Variants in FGF14 observed in about 807,000 individuals in gnomAD.
FGF14 encodes fibroblast growth factor homologous factor 4.
A neutral mutation model predicts 25.5 loss-of-function variants in FGF14; 5 were observed. That is an observed-to-expected ratio of 0.20 (90% confidence interval 0.10 to 0.41). The LOEUF (loss-of-function observed/expected upper bound fraction) is 0.41. Ranked by LOEUF, FGF14 falls within the 10% of genes least tolerant of loss-of-function variation. The pLI is 1.00. For synonymous variants in FGF14, 138 were observed against 118.3 expected (o/e 1.17, Z -1.08); for missense variants, 222 against 320.1 (o/e 0.69, Z 2.34).
At chr13:101,813,562 C>G (rs148088545) in intron 3 of FGF14, among the ~76,000 whole-genome samples, 1 of 152,162 alleles carries the variant, frequency 6.6e-6, no homozygotes, top group African/African-American at 2.4e-5. Context: ...AGTAAATTTC[C>G]GTTCTTCATC....
At chr13:102,265,995 T>C (rs1018969449) in intron 1 of FGF14, among the ~76,000 whole-genome samples, 1 of 151,988 alleles carries the variant, frequency 6.6e-6, no homozygotes, top group Non-Finnish European at 1.5e-5. Context: ...TGCAATGAAA[T>C]TGGGAAGCTA....
At chr13:101,956,258 A>G (rs2036507101) in intron 1 of FGF14, among the ~76,000 whole-genome samples, 1 of 152,042 alleles carries the variant, frequency 6.6e-6, no homozygotes, top group Admixed American at 6.5e-5. Context: ...TAAACTTTAG[A>G]TAGATAGATA....
chr13:101,947,313 A>G (rs1039311016), intron 1 of FGF14, among the ~76,000 whole-genome samples: 1 of 152,226 alleles, frequency 6.6e-6, no homozygotes, highest in Non-Finnish European at 1.5e-5. Context: ...ACCATTTGAC[A>G]CAACAATCCC....
At chr13:102,284,124 TTTC>T (rs2053977980) in intron 1 of FGF14, among the ~76,000 whole-genome samples, 1 of 152,196 alleles carries the variant, frequency 6.6e-6, no homozygotes, top group African/African-American at 2.4e-5. Context: ...ATTGGTGCTT[TTTC>T]CCCCGCAAGA....
At chr13:102,091,300 C>T (rs1322968516) in intron 1 of FGF14, among the ~76,000 whole-genome samples, 3 of 152,154 alleles carry the variant, frequency 2.0e-5, no homozygotes, top group African/African-American at 7.2e-5. Flanking sequence ...AAACTACATT[C>T]TGCTTGCCAA....
At chr13:102,140,054 C>A (rs112507830) in intron 1 of FGF14, among the ~76,000 whole-genome samples, 22 of 145,886 alleles carry the variant, frequency 1.5e-4, no homozygotes, top group Admixed American at 4.1e-4. Context: ...CCCCCCCCCC[C>A]CCTTACAGCA....
At position 102,063,495 on chromosome 13, in the gene FGF14, A is replaced by G. The variant is rs145411051; in HGVS notation, c.209-188199T>C. On this transcript the variant is annotated intron_variant, in intron 1 of 4. Coordinates refer to the FGF14 transcript ENST00000376131. ...GCCAGGCGTAGTGGTGCACACCTGTAATCTCAGCTACTTGGGAGGCTGAGG... is the reference window on the plus strand; with the variant it reads ...GCCAGGCGTAGTGGTGCACACCTGTGATCTCAGCTACTTGGGAGGCTGAGG... Among the ~76,000 whole-genome samples the G allele has an allele frequency of 1.7e-3, 262 of 152,210 alleles. 10 individuals are homozygous for G. In the South Asian group the frequency reaches 0.042, roughly 24 times the overall value.
intron 3 of FGF14, among the ~76,000 whole-genome samples, chr13:101,742,745 G>T (rs887578069): frequency 6.6e-6 from 1 of 152,084 alleles, no homozygotes; most frequent in Admixed American, 6.6e-5. Flanking sequence ...ATTGGGCAAA[G>T]CTGCCTCCCA....
Position 102,169,722 on chromosome 13 carries a change from A to G in FGF14, c.208+231749T>C, listed in dbSNP as rs146015210. On this transcript the variant is annotated intron_variant, in intron 1 of 4. Coordinates refer to the FGF14 transcript ENST00000376131. ...AAAACCTCCACTCAAAAGCAATTTA[A>G]TTGGATAACCTTTATTCCAATTATT... is the stretch of plus-strand genomic sequence containing the variant. Among the ~76,000 whole-genome samples, 48 of 152,234 alleles carry G rather than the reference A, an allele frequency of 3.2e-4. 1 individual carries two copies. In the East Asian group the frequency reaches 9.1e-3, roughly 29 times the overall value.
chr13:101,954,950 T>A (rs2036422694), intron 1 of FGF14, among the ~76,000 whole-genome samples: 2 of 152,172 alleles, frequency 1.3e-5, no homozygotes, highest in Non-Finnish European at 2.9e-5. Context: ...AATCCCCCAT[T>A]CTCCAACTTA....
chr13:102,127,994 C>T (rs1399753005), intron 1 of FGF14, among the ~76,000 whole-genome samples: 1 of 152,146 alleles, frequency 6.6e-6, no homozygotes, highest in African/African-American at 2.4e-5. Context: ...GAAGCACCTG[C>T]CCCTTCCAGG....
intron 1 of FGF14, 105 bp downstream of exon 1, chr13:101,916,348 G>A: frequency 7.9e-6 from 11 of 1,390,908 alleles, no homozygotes; most frequent in South Asian, 2.4e-5. Flanking sequence ...GGCCGGGGCC[G>A]GGGTGGGCCG....
intron 1 of FGF14, among the ~76,000 whole-genome samples, chr13:102,168,895 T>C (rs555152366): frequency 6.6e-6 from 1 of 152,086 alleles, no homozygotes; most frequent in South Asian, 2.1e-4. Flanking sequence ...GGGAGCATTG[T>C]AAAATACTGA....
At chr13:101,914,479 C>T (rs1184717231) in intron 1 of FGF14, among the ~76,000 whole-genome samples, 1 of 151,850 alleles carries the variant, frequency 6.6e-6, no homozygotes, top group African/African-American at 2.4e-5. Flanking sequence ...GAAAAGTGAC[C>T]TCAAATATAT....
chr13:101,714,613 T>A lies in FGF14; in HGVS notation c.*8218A>T, dbSNP rs2139618684. On this transcript the variant is annotated 3_prime_UTR_variant, in exon 5 of 5. Coordinates refer to ENST00000376143, the MANE Select transcript of FGF14 (RefSeq NM_004115.4). ...AGTTTGTTATAGAGCCAAGAGACACTCGTCATGCAATGCTTTAGGTGGCTG... is the reference window on the plus strand; with the variant it reads ...AGTTTGTTATAGAGCCAAGAGACACACGTCATGCAATGCTTTAGGTGGCTG... 1 of 986,660 alleles carries A rather than the reference T, an allele frequency of 1.0e-6. No homozygotes were observed. Among genetic ancestry groups the A allele is most frequent in the South Asian group, 1.3e-5 (1 of 77,532 alleles). The allele number at this position is 986,660 out of a possible 1,614,324, so 61.1% of individuals were successfully genotyped here.
intron 3 of FGF14, among the ~76,000 whole-genome samples, chr13:101,783,199 C>T (rs1027534844): frequency 2.6e-5 from 4 of 151,906 alleles, no homozygotes; most frequent in Non-Finnish European, 4.4e-5. Context: ...TGGCCGGGCG[C>T]GGTGGCTCAA....
intron 3 of FGF14, among the ~76,000 whole-genome samples, chr13:101,746,708 C>A (rs548861379): frequency 8.9e-4 from 136 of 152,042 alleles, no homozygotes; most frequent in African/African-American, 3.2e-3. Flanking sequence ...TTTATCAATG[C>A]CAGGAGTGTG....
intron 3 of FGF14, among the ~76,000 whole-genome samples, chr13:101,776,054 T>C (rs1366965995): frequency 6.6e-6 from 1 of 152,180 alleles, no homozygotes; most frequent in Admixed American, 6.6e-5. Context: ...TACAGATTCA[T>C]TTTCTTATTC....
intron 1 of FGF14, among the ~76,000 whole-genome samples, chr13:102,190,247 G>T (rs1228189066): frequency 6.6e-6 from 1 of 152,138 alleles, no homozygotes; most frequent in Non-Finnish European, 1.5e-5. Context: ...CTGTGATCAG[G>T]GGATTGACAT....
Sources: allele counts gnomAD v4.1 joint callset (sites outside exome capture counted in the v4.1 genomes callset), GRCh38; gene constraint gnomAD v4.1.1; transcripts MANE v1.5; gene names NCBI Gene and HGNC (gene_info 2026-07-23, HGNC 2026-07-21).